The following DAB1 variants were observed in gnomAD, a reference collection of about 807,000 sequenced individuals.
The protein encoded by DAB1 is DAB adaptor protein 1.
In DAB1, 15 loss-of-function variants were observed where a neutral mutation model predicts 64.6. The observed-to-expected ratio is 0.23, with a 90% CI of 0.16 to 0.36. DAB1 has a LOEUF of 0.36. Among genes scored for constraint, DAB1 ranks in the 10% least tolerant of loss-of-function variants. The pLI is 1.00. For synonymous variants in DAB1, 235 were observed against 251.9 expected, an observed-to-expected ratio of 0.93 and a Z score of 0.64; for missense variants, 596 against 706.7, an observed-to-expected ratio of 0.84 and a Z score of 1.78.
At chr1:57,553,169 T>C (rs1021015385) in intron 7 of DAB1, among the ~76,000 whole-genome samples, 31 of 151,710 alleles carry the variant, frequency 2.0e-4, no homozygotes, top group Non-Finnish European at 7.4e-5. Context: ...TTATCTGGGG[T>C]TGTCCAGCAT....
intron 4 of DAB1, among the ~76,000 whole-genome samples, chr1:57,119,932 T>C (rs1264951163): frequency 6.6e-6 from 1 of 152,194 alleles, no homozygotes; most frequent in Non-Finnish European, 1.5e-5. Flanking sequence ...AAAGTGACTA[T>C]ATCCCAGGGA....
chr1:58,397,117 TA>T (rs1473906406), intron 3 of DAB1, among the ~76,000 whole-genome samples: 1 of 143,324 alleles, frequency 7.0e-6, no homozygotes, highest in Non-Finnish European at 1.5e-5. Flanking sequence ...AAGAGAGAAG[TA>T]GGTAAAGGGA....
At chr1:57,158,723 T>C (rs909099044) in intron 2 of DAB1, among the ~76,000 whole-genome samples, 9 of 152,140 alleles carry the variant, frequency 5.9e-5, no homozygotes, top group African/African-American at 2.2e-4. Flanking sequence ...TGTAATTAAC[T>C]AGCTGGGTAG....
rs943491480 is a variant in DAB1, at chr1:57,926,684, T to C, written n.388-42522A>G. 2.0e-5 allele frequency among the ~76,000 whole-genome samples: 3 copies of C among 152,200 alleles called. No homozygotes were observed. In the South Asian group the frequency reaches 6.2e-4, roughly 32 times the overall value. Reference sequence around the variant, plus strand: ...ACACTTTGCAAATAGCAAAGCCACATATACAAGTGTCAGATATGACTATTA... The same window carrying C: ...ACACTTTGCAAATAGCAAAGCCACACATACAAGTGTCAGATATGACTATTA... On this transcript the variant is annotated intron_variant and non_coding_transcript_variant, in intron 5 of 20. Coordinates refer to the DAB1 transcript ENST00000485760.
intron 4 of DAB1, among the ~76,000 whole-genome samples, chr1:58,324,497 G>A (rs936677743): frequency 1.3e-5 from 2 of 152,056 alleles, no homozygotes; most frequent in African/African-American, 4.8e-5. Context: ...GTCCAACATG[G>A]CACTCAGCAA....
intron 5 of DAB1, among the ~76,000 whole-genome samples, chr1:58,078,470 G>C (rs1418609306): frequency 6.6e-6 from 1 of 152,186 alleles, no homozygotes; most frequent in Non-Finnish European, 1.5e-5. Flanking sequence ...AATGTGCAAT[G>C]TAAGTTTCCA....
intron 5 of DAB1, among the ~76,000 whole-genome samples, chr1:57,931,302 T>C (rs1016951953): frequency 3.3e-5 from 5 of 152,220 alleles, no homozygotes; most frequent in African/African-American, 4.8e-5. Context: ...TGAGTGATAT[T>C]GGTCTATAGT....
At chr1:57,008,440 A>T (rs183673967) in intron 14 of DAB1, among the ~76,000 whole-genome samples, 8 of 152,296 alleles carry the variant, frequency 5.3e-5, no homozygotes, top group Admixed American at 2.0e-4. Flanking sequence ...GATAATGATG[A>T]TGGTGATGGT....
At chr1:57,859,934 C>T (rs767252236) in intron 1 of DAB1, among the ~76,000 whole-genome samples, 7 of 152,198 alleles carry the variant, frequency 4.6e-5, no homozygotes, top group East Asian at 1.9e-4. Context: ...AAAATACTAT[C>T]GGCAATAGAC....
At chr1:57,555,282 C>T (rs527878029) in intron 7 of DAB1, among the ~76,000 whole-genome samples, 8 of 152,050 alleles carry the variant, frequency 5.3e-5, no homozygotes, top group Admixed American at 2.6e-4. Flanking sequence ...ATCTGCCTGC[C>T]TCGGCCTCCC....
intron 2 of DAB1, among the ~76,000 whole-genome samples, chr1:57,166,496 C>T (rs750380756): frequency 6.6e-6 from 1 of 151,988 alleles, no homozygotes; most frequent in Non-Finnish European, 1.5e-5. Flanking sequence ...AAGTTCAGAA[C>T]AATAGAAGTC....
chr1:58,135,120 G>A (rs1653868588), intron 5 of DAB1, among the ~76,000 whole-genome samples: 1 of 152,154 alleles, frequency 6.6e-6, no homozygotes, highest in Non-Finnish European at 1.5e-5. Flanking sequence ...TCCTGAAGGG[G>A]CTGTTGTAAA....
chr1:58,005,405 C>G (rs985429003), intron 5 of DAB1, among the ~76,000 whole-genome samples: 18 of 152,108 alleles, frequency 1.2e-4, no homozygotes, highest in Non-Finnish European at 1.3e-4. Flanking sequence ...TCATTCAGAA[C>G]ACATGAGGCT....
intron 7 of DAB1, among the ~76,000 whole-genome samples, chr1:57,488,373 G>A (rs1302299938): frequency 6.9e-6 from 1 of 144,874 alleles, no homozygotes; most frequent in African/African-American, 2.6e-5. Context: ...CTGCACTCCA[G>A]CCTGGGCGAC....
At chr1:58,426,150 G>T (rs1368494019) in intron 3 of DAB1, among the ~76,000 whole-genome samples, 3 of 152,112 alleles carry the variant, frequency 2.0e-5, no homozygotes, top group African/African-American at 7.2e-5. Context: ...ATTTTGCAGT[G>T]ATAAAACTGA....
intron 5 of DAB1, among the ~76,000 whole-genome samples, chr1:57,928,440 T>C (rs1458839066): frequency 6.6e-6 from 1 of 152,180 alleles, no homozygotes; most frequent in African/African-American, 2.4e-5. Context: ...TTCATGAACC[T>C]GCACTGATAT....
intron 5 of DAB1, among the ~76,000 whole-genome samples, chr1:58,036,399 C>T (rs910041438): frequency 2.6e-5 from 4 of 152,244 alleles, no homozygotes; most frequent in South Asian, 2.1e-4. Flanking sequence ...GTTGAGCGTG[C>T]CCTGCCACTC....
At chr1:57,006,579 GCCA>G (rs1297827831) in intron 14 of DAB1, among the ~76,000 whole-genome samples, 1 of 152,146 alleles carries the variant, frequency 6.6e-6, no homozygotes. Flanking sequence ...CTGATCCAGT[GCCA>G]TCACTTTCTA....
At chr1:58,505,029 T>G in intron 3 of DAB1, among the ~76,000 whole-genome samples, 1 of 152,226 alleles carries the variant, frequency 6.6e-6, no homozygotes, top group Non-Finnish European at 1.5e-5. Context: ...CTCGGCTCAC[T>G]ACAACTTCTG....
Sources: gnomAD v4.1 joint callset for allele counts (sites outside exome capture counted in the v4.1 genomes callset) on GRCh38, gnomAD v4.1.1 for gene constraint, MANE v1.5 for transcripts, NCBI Gene and HGNC (gene_info 2026-07-23, HGNC 2026-07-21) for gene names.